HELZ: variants seen among roughly 807,000 people sequenced by gnomAD.
HELZ encodes the protein ATP-dependent RNA helicase with zinc finger domain.
In HELZ, 23 loss-of-function variants were observed where a neutral mutation model predicts 218.2. That is an observed-to-expected ratio of 0.11 (90% CI 0.08 to 0.15). HELZ has a LOEUF of 0.15. HELZ is among the 10% of genes least tolerant of loss of function. The probability of loss-of-function intolerance (pLI) is 1.00; values close to 1 mark genes in which losing one functional copy is unlikely to be tolerated. For synonymous variants in HELZ, 814 were observed against 829.4 expected (o/e 0.98, Z 0.32); for missense variants, 1,813 against 2,353.7 (o/e 0.77, Z 4.75).
At chr17:67,178,304 T>C (rs1233887237) in intron 13 of HELZ, among the ~76,000 whole-genome samples, 1 of 152,216 alleles carries the variant, frequency 6.6e-6, no homozygotes, top group East Asian at 1.9e-4. Flanking sequence ...GGTTGTTGTA[T>C]ATCTGTTCAA....
intron 13 of HELZ, among the ~76,000 whole-genome samples, 185 bp from the exon 14 acceptor site, chr17:67,167,981 ATT>A (rs35055892): frequency 2.0e-5 from 3 of 149,416 alleles, no homozygotes; most frequent in African/African-American, 7.4e-5. Context: ...ACAAAAAAAA[ATT>A]TTTTTTTTTG....
chr17:67,227,053 C>G (rs1229711709), intron 3 of HELZ, among the ~76,000 whole-genome samples: 1 of 152,060 alleles, frequency 6.6e-6, no homozygotes, highest in Non-Finnish European at 1.5e-5. Flanking sequence ...GCCCTGTATC[C>G]TGATTGTGGT....
chr17:67,178,888 T>G lies in HELZ; in HGVS notation c.1201A>C (p.Thr401Pro). 6.2e-7 allele frequency: 1 copy of G among 1,610,534 alleles called. No individual in the cohort carries two copies. Among genetic ancestry groups the G allele is most frequent in the Non-Finnish European group, 8.5e-7 (1 of 1,176,996 alleles). ...YLMHAKQQLV[T>P]TAKRWDSSSK... is the part of the protein sequence containing the mutation. ...GAAGAATCCCAACGTTTAGCTGTGGTTACTAGCTGCTGTTTTGCATGCATC... is the reference window on the plus strand; with the variant it reads ...GAAGAATCCCAACGTTTAGCTGTGGGTACTAGCTGCTGTTTTGCATGCATC... The change falls in exon 13 of 33, where the codon ACC becomes CCC. Residue 401 changes from threonine to proline, a missense_variant. This residue lies in a region of HELZ where 714 missense variants were observed against 1,029.2 expected (regional missense o/e 0.69). Coordinates refer to ENST00000358691, the MANE Select transcript of HELZ (RefSeq NM_014877.4).
intron 21 of HELZ, among the ~76,000 whole-genome samples, chr17:67,143,253 C>T (rs1041559210): frequency 3.3e-5 from 5 of 152,088 alleles, no homozygotes; most frequent in African/African-American, 1.2e-4. Context: ...CCTCTCAGAT[C>T]ACACCATCTT....
At chr17:67,236,813 G>A (rs766569255) in intron 3 of HELZ, among the ~76,000 whole-genome samples, 2 of 151,946 alleles carry the variant, frequency 1.3e-5, no homozygotes, top group Non-Finnish European at 2.9e-5. Flanking sequence ...CCCTACCAAG[G>A]AAATGAAGGG....
In HELZ at chr17:67,108,877, G is replaced by C; in HGVS notation, c.4490-151C>G. On this transcript the variant is annotated intron_variant, in intron 29 of 32. Transcript: ENST00000358691. This position sits in a 1 kb window ranked among gnomAD's most constrained non-coding sequence, Gnocchi z 4.1. ...AAGTAAATGTTTTCTAAATTTGCCA[G>C]AAATCAGTTATGGTGATGATGATGA... The C allele has an allele frequency of 1.4e-6, 1 of 713,146 alleles. No individual in the cohort carries two copies. The highest frequency in any genetic ancestry group is 2.3e-6 in the Non-Finnish European group (1 of 443,988). 44.2% of individuals were successfully genotyped at this position (713,146 alleles called of 1,614,324 possible).
intron 12 of HELZ, among the ~76,000 whole-genome samples, chr17:67,181,435 T>C (rs1343494070): frequency 6.6e-6 from 1 of 152,216 alleles, no homozygotes; most frequent in African/African-American, 2.4e-5. Flanking sequence ...ATAGCAGTAT[T>C]TGTTTTTCTC....
chr17:67,167,818 A>AG, intron 13 of HELZ, 22 bp from the exon 14 acceptor site: 2 of 1,484,820 alleles, frequency 1.3e-6, no homozygotes, highest in Non-Finnish European at 1.8e-6. Flanking sequence ...GTAGAAAACT[A>AG]GTTTGAATAT....
At chr17:67,174,644 C>G (rs2039403909) in intron 13 of HELZ, among the ~76,000 whole-genome samples, 1 of 151,918 alleles carries the variant, frequency 6.6e-6, no homozygotes, top group Admixed American at 6.6e-5. Context: ...ACCAAAAATA[C>G]AAAATTAGCT....
At chr17:67,094,543 T>A (rs1030451336) in intron 31 of HELZ, among the ~76,000 whole-genome samples, 1 of 152,124 alleles carries the variant, frequency 6.6e-6, no homozygotes, top group Non-Finnish European at 1.5e-5. Context: ...GTCACGTAAA[T>A]TTTTTGGTTT....
chr17:67,160,825 A>G, intron 16 of HELZ, 72 bp downstream of exon 16: 2 of 1,116,572 alleles, frequency 1.8e-6, no homozygotes, highest in Non-Finnish European at 2.5e-6. Flanking sequence ...GCTAGCCCTC[A>G]TTGTGTATTT....
chr17:67,208,694 A>AT (rs1256674786), intron 5 of HELZ, among the ~76,000 whole-genome samples: 2 of 152,228 alleles, frequency 1.3e-5, no homozygotes, highest in African/African-American at 4.8e-5. Context: ...AGGTAGGAGG[A>AT]TTGCTTGAAC....
intron 31 of HELZ, among the ~76,000 whole-genome samples, chr17:67,095,279 T>G: frequency 6.6e-6 from 1 of 152,154 alleles, no homozygotes; most frequent in Non-Finnish European, 1.5e-5. Context: ...ACGCCTGTAA[T>G]CCCAAAACTT....
chr17:67,089,668 TAGAGAGAGAGAGAG>T (rs1555595394), intron 31 of HELZ, among the ~76,000 whole-genome samples: 4 of 70,640 alleles, frequency 5.7e-5, no homozygotes, highest in African/African-American at 6.1e-5. Flanking sequence ...TATATATATA[TAGAGAGAGAGAGAG>T]AGAGAGAGAG....
At chr17:67,153,396 G>A (rs930076361) in intron 17 of HELZ, among the ~76,000 whole-genome samples, 13 of 152,060 alleles carry the variant, frequency 8.5e-5, no homozygotes, top group African/African-American at 3.1e-4. Context: ...GAAGATGTGG[G>A]CATTCTCTTC....
At chr17:67,217,547 A>C (rs1410405079) in intron 4 of HELZ, among the ~76,000 whole-genome samples, 1 of 152,032 alleles carries the variant, frequency 6.6e-6, no homozygotes, top group Non-Finnish European at 1.5e-5. Context: ...TAGCTCCCCA[A>C]CTCACAGAGA....
intron 12 of HELZ, among the ~76,000 whole-genome samples, chr17:67,182,692 C>G (rs2039647175): frequency 6.6e-6 from 1 of 152,148 alleles, no homozygotes; most frequent in Admixed American, 6.5e-5. Context: ...TTGAAGATAA[C>G]AGTCTTTTGA....
At position 67,107,212 on chromosome 17, in the gene HELZ, G is replaced by A; in HGVS notation, c.5198C>T (p.Ser1733Leu). The part of the protein sequence containing the change: ...AIGQEPFHPL[S>L]SRTVSSSSLP... ...CGAAGAAGAAGATACTGTTCGAGAT[G>A]ACAATGGGTGAAATGGCTCTTGACC... The change falls in exon 31 of 33, where the codon TCA (serine) becomes TTA (leucine). Residue 1733 changes from serine to leucine, a missense_variant. Transcript: ENST00000358691. 1 of 1,614,152 alleles carries A rather than the reference G, an allele frequency of 6.2e-7. No homozygotes were observed.
At chr17:67,105,769 A>G (rs1014017751) in intron 31 of HELZ, among the ~76,000 whole-genome samples, 3 of 152,320 alleles carry the variant, frequency 2.0e-5, no homozygotes, top group South Asian at 4.1e-4. Context: ...CACAATACAT[A>G]TATGTAGATA....
Sources: gnomAD v4.1 joint callset for allele counts (sites outside exome capture counted in the v4.1 genomes callset) on GRCh38, gnomAD v4.1.1 for gene constraint, gnomAD v4.1.1 regional missense constraint, Gnocchi (gnomAD v3.1) non-coding constraint, MANE v1.5 for transcripts, NCBI Gene and HGNC (gene_info 2026-07-23, HGNC 2026-07-21) for gene names.